ACVR1: variants seen among roughly 807,000 people sequenced by gnomAD.
ACVR1 encodes the protein activin A receptor type 1.
ACVR1 carries 38 observed loss-of-function variants against 57.1 expected under a neutral mutation model. The ratio of observed to expected loss-of-function variants is 0.67; its 90% CI spans 0.51 to 0.87. The LOEUF is 0.87. ACVR1 is among the 40% of genes least tolerant of loss of function. The probability of loss-of-function intolerance (pLI) is 0.00; values close to 1 mark genes in which losing one functional copy is unlikely to be tolerated. For synonymous variants in ACVR1, 212 were observed against 228.1 expected, an observed-to-expected ratio of 0.93 and a Z score of 0.63; for missense variants, 463 against 638.2, an observed-to-expected ratio of 0.73 and a Z score of 2.96.
chr2:157,747,631 T>C (rs1437416437), intron 9 of ACVR1, among the ~76,000 whole-genome samples: 1 of 152,210 alleles, frequency 6.6e-6, no homozygotes. Flanking sequence ...AAGGCACAAT[T>C]TCTCCTACTC....
intron 1 of ACVR1, among the ~76,000 whole-genome samples, chr2:157,823,722 G>C (rs1261151712): frequency 6.6e-6 from 1 of 152,132 alleles, no homozygotes; most frequent in Non-Finnish European, 1.5e-5. Flanking sequence ...CACGTTTGAA[G>C]ATAATCTGCC....
chr2:157,779,537 G>A (rs1399744129), intron 4 of ACVR1, among the ~76,000 whole-genome samples: 1 of 151,930 alleles, frequency 6.6e-6, no homozygotes, highest in African/African-American at 2.4e-5. Context: ...TTCTAGTTTT[G>A]GATGCTCGTC....
At chr2:157,820,910 C>A (rs2105332323) in intron 1 of ACVR1, among the ~76,000 whole-genome samples, 1 of 152,232 alleles carries the variant, frequency 6.6e-6, no homozygotes, top group South Asian at 2.1e-4. Context: ...CAAGAGTTAA[C>A]TAGATAAAAA....
At chr2:157,764,510 G>T (rs114676924) in intron 8 of ACVR1, among the ~76,000 whole-genome samples, 9 of 151,558 alleles carry the variant, frequency 5.9e-5, no homozygotes, top group Non-Finnish European at 8.8e-5. Flanking sequence ...GCCCGGCCAC[G>T]ATCACACTGT....
At chr2:157,791,916 T>C (rs995900780) in intron 3 of ACVR1, among the ~76,000 whole-genome samples, 8 of 152,332 alleles carry the variant, frequency 5.3e-5, no homozygotes, top group African/African-American at 1.4e-4. Flanking sequence ...ATTATATATA[T>C]CAGAGAAGTC....
In ACVR1 at chr2:157,736,642, G is replaced by A. The variant is rs1011004860; in HGVS notation, c.*889C>T. 36 of 311,788 alleles carry A rather than the reference G, an allele frequency of 1.2e-4. No individual in the cohort carries two copies. Among genetic ancestry groups the A allele is most frequent in the African/African-American group, 6.2e-4 (29 of 46,966 alleles). 19.3% of individuals were successfully genotyped at this position (311,788 alleles called of 1,614,324 possible). A position where few individuals can be genotyped will look rare whatever the true frequency, so the allele number is the denominator to read the frequency against. ...TTGCTTCTAAATCAGTAATATATTC[G>A]GTGGTGTCACGTGGGTAATGGCTAA... is the stretch of plus-strand genomic sequence containing the variant. On this transcript the variant is annotated 3_prime_UTR_variant, in exon 11 of 11. Coordinates refer to ENST00000434821, the MANE Select transcript of ACVR1 (RefSeq NM_001111067.4).
chr2:157,846,227 G>A (rs1689123325), intron 1 of ACVR1, among the ~76,000 whole-genome samples: 1 of 152,212 alleles, frequency 6.6e-6, no homozygotes, highest in African/African-American at 2.4e-5. Flanking sequence ...AATGTGCTTT[G>A]AAGATGGAGG....
At chr2:157,776,973 G>T (rs1174981694) in intron 5 of ACVR1, among the ~76,000 whole-genome samples, 2 of 152,130 alleles carry the variant, frequency 1.3e-5, no homozygotes, top group Non-Finnish European at 2.9e-5. Flanking sequence ...GTCTCAAATT[G>T]GTATTGGCAT....
intron 1 of ACVR1, among the ~76,000 whole-genome samples, chr2:157,858,842 C>T (rs534201046): frequency 6.6e-6 from 1 of 152,170 alleles, no homozygotes; most frequent in South Asian, 2.1e-4. Context: ...TGATTTCCTA[C>T]TCCTGGCCTA....
In ACVR1 at chr2:157,826,945, CAG is replaced by C. The variant is rs750883575; in HGVS notation, c.-182-8388_-182-8387del. 1.0e-4 allele frequency among the ~76,000 whole-genome samples: 15 copies of C among 147,158 alleles called. 1 individual carries two copies. Among genetic ancestry groups the C allele is most frequent in the African/African-American group, 1.5e-4 (6 of 39,916 alleles). On this transcript the variant is annotated intron_variant, in intron 1 of 10. Transcript: ENST00000434821. Reference sequence around the variant, plus strand: ...GAAGGGAAAGAAAGAAAGAGAGAAACAGAGAGAAAGAGAAAGAAAGAAAAAAA... The same window carrying C: ...GAAGGGAAAGAAAGAAAGAGAGAAACAGAGAAAGAGAAAGAAAGAAAAAAA...
chr2:157,872,588 C>T (rs1008633496), intron 1 of ACVR1, among the ~76,000 whole-genome samples: 3 of 152,110 alleles, frequency 2.0e-5, no homozygotes, highest in African/African-American at 7.2e-5. Context: ...CATACCTCAA[C>T]CTTATTCAAA....
chr2:157,804,830 C>T (rs949441263), intron 2 of ACVR1, among the ~76,000 whole-genome samples: 1 of 152,202 alleles, frequency 6.6e-6, no homozygotes, highest in Non-Finnish European at 1.5e-5. Flanking sequence ...TAGTACAAAA[C>T]GACTTTCCAA....
chr2:157,848,378 G>A (rs1042322442), intron 1 of ACVR1, among the ~76,000 whole-genome samples: 1 of 152,198 alleles, frequency 6.6e-6, no homozygotes, highest in Non-Finnish European at 1.5e-5. Context: ...CATGCAGAGA[G>A]ACCACATGTA....
At chr2:157,755,456 A>G (rs1365071948) in intron 9 of ACVR1, among the ~76,000 whole-genome samples, 2 of 152,112 alleles carry the variant, frequency 1.3e-5, no homozygotes, top group African/African-American at 4.8e-5. Context: ...TAGTTCTGCT[A>G]TACACCAACA....
chr2:157,867,117 T>C (rs1689967608), intron 1 of ACVR1, among the ~76,000 whole-genome samples: 1 of 152,214 alleles, frequency 6.6e-6, no homozygotes, highest in Non-Finnish European at 1.5e-5. Flanking sequence ...CCAGGTGCTC[T>C]TGGCAACCTT....
chr2:157,745,816 C>T (rs1162970926), intron 9 of ACVR1, among the ~76,000 whole-genome samples: 1 of 152,152 alleles, frequency 6.6e-6, no homozygotes, highest in Non-Finnish European at 1.5e-5. Context: ...TAGGAGTTGT[C>T]ATGGTTTCCA....
At chr2:157,739,078 A>G (rs1386719704) in intron 9 of ACVR1, among the ~76,000 whole-genome samples, 1 of 152,226 alleles carries the variant, frequency 6.6e-6, no homozygotes, top group Non-Finnish European at 1.5e-5. Context: ...TTTGTTAAGA[A>G]AAACATTGCT....
At chr2:157,800,709 G>A (rs539455872) in intron 2 of ACVR1, among the ~76,000 whole-genome samples, 1 of 151,980 alleles carries the variant, frequency 6.6e-6, no homozygotes, top group Non-Finnish European at 1.5e-5. Context: ...TCCTACTACT[G>A]TTGTTGTTTT....
At chr2:157,863,316 A>T in intron 1 of ACVR1, among the ~76,000 whole-genome samples, 1 of 131,880 alleles carries the variant, frequency 7.6e-6, no homozygotes. Context: ...CCCAGCCTAT[A>T]GAACAGTTAA....
Sources: allele counts gnomAD v4.1 joint callset (sites outside exome capture counted in the v4.1 genomes callset), GRCh38; gene constraint gnomAD v4.1.1; transcripts MANE v1.5; gene names NCBI Gene and HGNC (gene_info 2026-07-23, HGNC 2026-07-21).